The following IL1RAPL1 variants were observed in gnomAD, a reference collection of about 807,000 sequenced individuals.
IL1RAPL1 encodes the protein interleukin 1 receptor accessory protein like 1.
Under a neutral mutation model 48.4 loss-of-function variants are expected in IL1RAPL1, and 3 were observed. The ratio of observed to expected loss-of-function variants is 0.06; its 90% CI spans 0.03 to 0.16. IL1RAPL1 has a LOEUF of 0.16. Among genes scored for constraint, IL1RAPL1 ranks in the 10% least tolerant of loss-of-function variants. The probability of loss-of-function intolerance (pLI) is 1.00; values close to 1 mark genes in which losing one functional copy is unlikely to be tolerated. For missense variants in IL1RAPL1, 349 were observed against 530.6 expected, an observed-to-expected ratio of 0.66 and a Z score of 3.36; for synonymous variants, 185 against 187.7, an observed-to-expected ratio of 0.99 and a Z score of 0.12.
intron 1 of IL1RAPL1, among the ~76,000 whole-genome samples, chrX:28,678,811 AT>A (rs1935027324): frequency 1.8e-5 from 2 of 112,288 alleles, no homozygotes; most frequent in South Asian, 7.4e-4. Flanking sequence ...TGAAATTCAT[AT>A]AACATACAAT....
At chrX:28,898,406 GGTCT>G (rs1431208395) in intron 2 of IL1RAPL1, among the ~76,000 whole-genome samples, 1 of 111,496 alleles carries the variant, frequency 9.0e-6, no homozygotes, top group Non-Finnish European at 1.9e-5. Context: ...CTTACATTGA[GGTCT>G]GTGATTTATT....
At chrX:28,716,914 C>G (rs1011943000) in intron 1 of IL1RAPL1, among the ~76,000 whole-genome samples, 3 of 112,002 alleles carry the variant, frequency 2.7e-5, no homozygotes, top group Non-Finnish European at 3.8e-5. Context: ...AAAAGCTCAA[C>G]ATCACTGATC....
intron 6 of IL1RAPL1, among the ~76,000 whole-genome samples, chrX:29,847,354 A>C (rs943372615): frequency 2.7e-5 from 3 of 111,955 alleles, no homozygotes; most frequent in African/African-American, 9.7e-5. Flanking sequence ...GCTTGACATC[A>C]GAAGGCCTGA....
At chrX:29,089,324 G>A (rs1364586197) in intron 2 of IL1RAPL1, among the ~76,000 whole-genome samples, 2 of 110,802 alleles carry the variant, frequency 1.8e-5, no homozygotes, top group Non-Finnish European at 3.8e-5. Flanking sequence ...TTGCAAAATG[G>A]TTACTACCAT....
intron 6 of IL1RAPL1, among the ~76,000 whole-genome samples, chrX:29,836,101 T>C (rs1930994219): frequency 9.1e-6 from 1 of 110,391 alleles, no homozygotes; most frequent in Non-Finnish European, 1.9e-5. Flanking sequence ...TTGTTGTTCT[T>C]TTTCAATGTC....
chrX:29,039,117 T>A (rs369477993), intron 2 of IL1RAPL1, among the ~76,000 whole-genome samples: 1 of 111,939 alleles, frequency 8.9e-6, no homozygotes, highest in Non-Finnish European at 1.9e-5. Flanking sequence ...TCACATTTTG[T>A]TCTTTTGTTC....
intron 1 of IL1RAPL1, among the ~76,000 whole-genome samples, chrX:28,727,006 C>G (rs953497479): frequency 1.4e-4 from 16 of 111,667 alleles, no homozygotes; most frequent in Non-Finnish European, 2.6e-4. Flanking sequence ...TTATATGGGA[C>G]CAATGATAAA....
chrX:28,781,468 TCTCTAAC>T (rs1477204193), intron 1 of IL1RAPL1, among the ~76,000 whole-genome samples: 1 of 109,844 alleles, frequency 9.1e-6, no homozygotes, highest in Admixed American at 9.8e-5. Flanking sequence ...ACCTTTTCTA[TCTCTAAC>T]CTCTAGAACC....
chrX:28,957,603 G>A (rs912276917), intron 2 of IL1RAPL1, among the ~76,000 whole-genome samples: 13 of 109,085 alleles, frequency 1.2e-4, no homozygotes, highest in Middle Eastern at 4.3e-3. Flanking sequence ...TTTTTTGTTC[G>A]TATATCACTG....
At chrX:29,213,358 C>G (rs1362618062) in intron 2 of IL1RAPL1, among the ~76,000 whole-genome samples, 1 of 112,514 alleles carries the variant, frequency 8.9e-6, no homozygotes, top group Non-Finnish European at 1.9e-5. Context: ...TCTCTTGTCT[C>G]AATTACTGCT....
chrX:29,242,251 C>T lies in IL1RAPL1; in HGVS notation c.83-40687C>T, dbSNP rs190808007. Among the ~76,000 whole-genome samples, 5 of 112,434 alleles carry T rather than the reference C, an allele frequency of 4.4e-5. No individual in the cohort carries two copies. In the East Asian group the frequency reaches 1.4e-3, roughly 31 times the overall value. On this transcript the variant is annotated intron_variant, in intron 2 of 10. Coordinates refer to ENST00000378993, the MANE Select transcript of IL1RAPL1 (RefSeq NM_014271.4). Reference sequence around the variant, plus strand: ...GCTAAACAGTCTTGTAGGTGTTTTACTCAATATAGTTTTATTAACTCATCT... The same window carrying T: ...GCTAAACAGTCTTGTAGGTGTTTTATTCAATATAGTTTTATTAACTCATCT...
At chrX:29,233,042 A>T (rs1187970471) in intron 2 of IL1RAPL1, among the ~76,000 whole-genome samples, 1 of 111,517 alleles carries the variant, frequency 9.0e-6, no homozygotes, top group Admixed American at 9.5e-5. Context: ...CAAGTGATCC[A>T]CTGGCCTTGG....
At chrX:29,116,126 A>G (rs1185728461) in intron 2 of IL1RAPL1, among the ~76,000 whole-genome samples, 1 of 111,509 alleles carries the variant, frequency 9.0e-6, no homozygotes. Context: ...ATAGTTTTAT[A>G]TAATTAATTT....
At chrX:29,333,369 C>G (rs1932912571) in intron 3 of IL1RAPL1, among the ~76,000 whole-genome samples, 1 of 107,713 alleles carries the variant, frequency 9.3e-6, no homozygotes, top group Non-Finnish European at 2.0e-5. Flanking sequence ...AGAGGCGCCC[C>G]TCACCTCCTG....
chrX:29,938,556 C>T (rs1423035384), intron 8 of IL1RAPL1, among the ~76,000 whole-genome samples: 1 of 111,497 alleles, frequency 9.0e-6, no homozygotes, highest in Non-Finnish European at 1.9e-5. Context: ...TTAGAACTTA[C>T]GTTTTTCTTA....
At chrX:29,936,549 A>ACACACACAC (rs1273454290) in intron 8 of IL1RAPL1, among the ~76,000 whole-genome samples, 1 of 108,680 alleles carries the variant, frequency 9.2e-6, no homozygotes, top group East Asian at 2.8e-4. Flanking sequence ...ACACACACAC[A>ACACACACAC]CACACACACA....
At position 28,999,780 on chromosome X, in the gene IL1RAPL1, TTAAA is replaced by T. The variant is rs200185032; in HGVS notation, c.82+210360_82+210363del. On this transcript the variant is annotated intron_variant, in intron 2 of 10. Coordinates refer to ENST00000378993, the MANE Select transcript of IL1RAPL1 (RefSeq NM_014271.4). ...ACTAATCATATCTTAGACTACTTAC[TTAAA>T]TAAAATACAACTTCTTGCGCATAGG... 8.0e-3 allele frequency among the ~76,000 whole-genome samples: 893 copies of T among 112,132 alleles called. 10 individuals carry two copies. The highest frequency in any genetic ancestry group is 0.028 in the African/African-American group (853 of 30,907).
intron 2 of IL1RAPL1, among the ~76,000 whole-genome samples, chrX:29,215,409 A>G (rs984525863): frequency 9.0e-6 from 1 of 111,501 alleles, no homozygotes; most frequent in Non-Finnish European, 1.9e-5. Flanking sequence ...ATAGATATAA[A>G]TTGTGTAATG....
intron 2 of IL1RAPL1, among the ~76,000 whole-genome samples, chrX:29,202,600 A>G (rs1007735597): frequency 2.7e-5 from 3 of 112,063 alleles, no homozygotes; most frequent in African/African-American, 9.7e-5. Flanking sequence ...AAAGTCATGG[A>G]ATCAACCTAC....
Sources: allele counts gnomAD v4.1 joint callset (sites outside exome capture counted in the v4.1 genomes callset), GRCh38; gene constraint gnomAD v4.1.1; transcripts MANE v1.5; gene names NCBI Gene and HGNC (gene_info 2026-07-23, HGNC 2026-07-21).